The following LUZP2 variants were observed in gnomAD, a reference collection of about 807,000 sequenced individuals.
The protein encoded by LUZP2 is leucine zipper protein 2.
LUZP2 carries 52 observed loss-of-function variants against 51.6 expected under a neutral mutation model. The observed-to-expected ratio is 1.01, with a 90% confidence interval of 0.81 to 1.27. The LOEUF is 1.27. LUZP2 is among the 50% of genes most tolerant of loss of function. LUZP2 has a pLI of 0.00. For missense variants in LUZP2, 436 were observed against 395.4 expected, an observed-to-expected ratio of 1.10 and a Z score of -0.87; for synonymous variants, 154 against 137.3, an observed-to-expected ratio of 1.12 and a Z score of -0.85.
chr11:25,023,178 G>C (rs540319119), intron 9 of LUZP2, among the ~76,000 whole-genome samples: 1 of 152,196 alleles, frequency 6.6e-6, no homozygotes, highest in East Asian at 1.9e-4. Context: ...TGAGTTAAGA[G>C]GATTCCCTCT....
At chr11:25,007,285 C>A (rs185600713) in intron 9 of LUZP2, among the ~76,000 whole-genome samples, 50 of 152,230 alleles carry the variant, frequency 3.3e-4, no homozygotes, top group Middle Eastern at 3.4e-3. Flanking sequence ...CAACAAAGAA[C>A]CTGAAATCCT....
chr11:24,568,919 A>G (rs564049067), intron 1 of LUZP2, among the ~76,000 whole-genome samples: 1 of 152,182 alleles, frequency 6.6e-6, no homozygotes, highest in East Asian at 1.9e-4. Context: ...ATTTAATGAC[A>G]GCCATAATTA....
intron 5 of LUZP2, among the ~76,000 whole-genome samples, chr11:24,781,374 T>C (rs1329475322): frequency 1.3e-5 from 2 of 152,086 alleles, no homozygotes; most frequent in Non-Finnish European, 2.9e-5. Flanking sequence ...TATATGATAA[T>C]ATAATCATAG....
chr11:24,617,791 A>C (rs1183156422), intron 1 of LUZP2, among the ~76,000 whole-genome samples: 1 of 152,012 alleles, frequency 6.6e-6, no homozygotes, highest in Non-Finnish European at 1.5e-5. Flanking sequence ...GCACCACTAC[A>C]CTCCAGCCTA....
intron 5 of LUZP2, among the ~76,000 whole-genome samples, chr11:24,803,152 A>C (rs1375322526): frequency 6.6e-6 from 1 of 152,080 alleles, no homozygotes; most frequent in Non-Finnish European, 1.5e-5. Flanking sequence ...TAGAATATAA[A>C]GAACTCTCTA....
intron 1 of LUZP2, among the ~76,000 whole-genome samples, chr11:24,556,726 G>T (rs1467850855): frequency 6.6e-6 from 1 of 151,994 alleles, no homozygotes; most frequent in South Asian, 2.1e-4. Context: ...TAATATTTAG[G>T]CCATGATGAT....
At chr11:24,876,171 C>G (rs2084542566) in intron 5 of LUZP2, among the ~76,000 whole-genome samples, 1 of 149,106 alleles carries the variant, frequency 6.7e-6, no homozygotes, top group African/African-American at 2.5e-5. Context: ...AAGCCCTTGC[C>G]CATGCCTATG....
chr11:25,015,916 T>TGTA, intron 9 of LUZP2, among the ~76,000 whole-genome samples: 1 of 150,536 alleles, frequency 6.6e-6, no homozygotes, highest in African/African-American at 2.5e-5. Flanking sequence ...TTTTTGTATT[T>TGTA]TTTACTTATT....
intron 1 of LUZP2, among the ~76,000 whole-genome samples, chr11:24,629,529 C>CATATATATATAT (rs965605595): frequency 7.6e-6 from 1 of 131,548 alleles, no homozygotes; most frequent in African/African-American, 2.9e-5. Context: ...TATTCCATTG[C>CATATATATATAT]ATATATATAT....
intron 7 of LUZP2, among the ~76,000 whole-genome samples, chr11:24,931,977 C>T (rs1364954750): frequency 2.0e-5 from 3 of 152,110 alleles, no homozygotes; most frequent in East Asian, 3.9e-4. Context: ...CACCTCTTCC[C>T]ATAGGGATGT....
Position 24,535,047 on chromosome 11 carries a change from A to G in LUZP2, c.62+37742A>G, listed in dbSNP as rs1393646061. Among the ~76,000 whole-genome samples, 3 of 151,438 alleles carry G rather than the reference A, an allele frequency of 2.0e-5. No homozygotes were observed. In the East Asian group the frequency reaches 5.8e-4, roughly 29 times the overall value. ...GTTTTGCTTTCCCAGTACATATAGA[A>G]GTTATATTAATGCTCTACTATAGTC... On this transcript the variant is annotated intron_variant, in intron 1 of 11. Transcript: ENST00000336930.
At chr11:24,832,482 ATATAT>A (rs1850731049) in intron 5 of LUZP2, among the ~76,000 whole-genome samples, 1 of 152,012 alleles carries the variant, frequency 6.6e-6, no homozygotes, top group South Asian at 2.1e-4. Flanking sequence ...TAAACATAAA[ATATAT>A]TATTACATAC....
intron 1 of LUZP2, among the ~76,000 whole-genome samples, chr11:24,574,979 G>A (rs1172477167): frequency 6.6e-6 from 1 of 152,102 alleles, no homozygotes; most frequent in African/African-American, 2.4e-5. Context: ...TCAATTTGAG[G>A]GGAGAGTTGA....
rs544407799 is a variant in LUZP2, at chr11:24,498,778, C to T, written c.62+1473C>T. On this transcript the variant is annotated intron_variant, in intron 1 of 11. Coordinates refer to ENST00000336930, the MANE Select transcript of LUZP2 (RefSeq NM_001009909.4). ...CACTCTTATGTTGTGATTTAGTCTT[C>T]TAGAGAAAGGAAATTTTCTAACTTT... 2.0e-5 allele frequency among the ~76,000 whole-genome samples: 3 copies of T among 152,092 alleles called. No homozygotes were observed. In the East Asian group the frequency reaches 5.8e-4, roughly 29 times the overall value.
chr11:24,565,115 C>T (rs1852172240), intron 1 of LUZP2, among the ~76,000 whole-genome samples: 1 of 152,030 alleles, frequency 6.6e-6, no homozygotes, highest in African/African-American at 2.4e-5. Context: ...CAAGGAATTC[C>T]ACTCCTACCA....
intron 7 of LUZP2, among the ~76,000 whole-genome samples, chr11:24,932,887 C>T (rs1854496336): frequency 6.6e-6 from 1 of 152,194 alleles, no homozygotes; most frequent in Non-Finnish European, 1.5e-5. Flanking sequence ...ACGTTTCCTT[C>T]TCCCTGTGGT....
At chr11:24,968,598 T>G (rs1173411559) in intron 7 of LUZP2, among the ~76,000 whole-genome samples, 3 of 152,134 alleles carry the variant, frequency 2.0e-5, no homozygotes, top group African/African-American at 7.2e-5. Flanking sequence ...CTTGTATAAT[T>G]TATTACCCTG....
chr11:24,961,039 C>T (rs1410712576), intron 7 of LUZP2, among the ~76,000 whole-genome samples: 1 of 152,056 alleles, frequency 6.6e-6, no homozygotes, highest in Non-Finnish European at 1.5e-5. Flanking sequence ...TGTTCAGTTT[C>T]CATGTAGTTG....
intron 1 of LUZP2, among the ~76,000 whole-genome samples, chr11:24,534,246 T>G (rs1341321560): frequency 6.6e-6 from 1 of 150,696 alleles, no homozygotes; most frequent in African/African-American, 2.4e-5. Context: ...AAAAACAAAA[T>G]ATGTATACAT....
Sources: allele counts gnomAD v4.1 joint callset (sites outside exome capture counted in the v4.1 genomes callset), GRCh38; gene constraint gnomAD v4.1.1; transcripts MANE v1.5; gene names NCBI Gene and HGNC (gene_info 2026-07-23, HGNC 2026-07-21).